IKZF3: variants seen among roughly 807,000 people sequenced by gnomAD.
IKZF3 encodes the protein zinc finger protein Aiolos.
IKZF3 carries 10 observed loss-of-function variants against 49.0 expected under a neutral mutation model. The observed-to-expected ratio is 0.20, with a 90% CI of 0.13 to 0.35. The LOEUF (loss-of-function observed/expected upper bound fraction) is 0.35, where lower values mean the gene tolerates loss of function less well. IKZF3 is among the 10% of genes least tolerant of loss of function. IKZF3 has a pLI of 1.00. For synonymous variants in IKZF3, 209 were observed against 228.2 expected (o/e 0.92, Z 0.76); for missense variants, 498 against 664.8 (o/e 0.75, Z 2.76).
chr17:39,841,003 C>A (rs1252599850), intron 1 of IKZF3, among the ~76,000 whole-genome samples: 2 of 151,966 alleles, frequency 1.3e-5, no homozygotes, highest in African/African-American at 4.8e-5. Flanking sequence ...ATGGCGAAAC[C>A]CCATCTCTAC....
intron 1 of IKZF3, among the ~76,000 whole-genome samples, chr17:39,842,932 A>G (rs553044279): frequency 6.6e-6 from 1 of 152,356 alleles, no homozygotes; most frequent in South Asian, 2.1e-4. Context: ...AGTAGAACAC[A>G]GCATCACTTC....
intron 1 of IKZF3, among the ~76,000 whole-genome samples, chr17:39,861,583 C>A (rs1366804640): frequency 2.6e-5 from 4 of 152,182 alleles, no homozygotes; most frequent in Admixed American, 6.5e-5. Flanking sequence ...TCCATACGCT[C>A]ACAATGGAGG....
intron 3 of IKZF3, among the ~76,000 whole-genome samples, chr17:39,819,409 G>A (rs2061751526): frequency 6.6e-6 from 1 of 152,116 alleles, no homozygotes; most frequent in African/African-American, 2.4e-5. Flanking sequence ...CTCATTCTGA[G>A]TGAGACTCCA....
At chr17:39,785,950 G>T (rs919116818) in intron 6 of IKZF3, among the ~76,000 whole-genome samples, 1 of 152,110 alleles carries the variant, frequency 6.6e-6, no homozygotes, top group Admixed American at 6.5e-5. Flanking sequence ...AAAAGGAGCC[G>T]ACACAAAAGG....
In IKZF3 at chr17:39,773,008, G is replaced by T. The variant is rs996241783; in HGVS notation, c.826+4643C>A. ...TTTTTGTATTTTTAGTAGAGATAGG[G>T]TTTCACCATATTGGCCCGGCTGGTC... On this transcript the variant is annotated intron_variant, in intron 7 of 7. Transcript: ENST00000346872. 6.6e-5 allele frequency among the ~76,000 whole-genome samples: 10 copies of T among 152,084 alleles called. No individual in the cohort carries two copies. The South Asian group carries it at 1.0e-3, about 16-fold the overall frequency.
chr17:39,832,757 A>G (rs995084915), intron 1 of IKZF3, among the ~76,000 whole-genome samples: 7 of 152,126 alleles, frequency 4.6e-5, no homozygotes, highest in Admixed American at 3.9e-4. Context: ...AGATTAGTTA[A>G]TGGGTAAAAC....
intron 1 of IKZF3, among the ~76,000 whole-genome samples, chr17:39,853,639 T>C (rs995912401): frequency 1.3e-5 from 2 of 151,880 alleles, no homozygotes; most frequent in South Asian, 4.2e-4. Flanking sequence ...AGTTCAAGAC[T>C]AGCCTGACCA....
At chr17:39,774,237 T>C (rs1369308384) in intron 7 of IKZF3, among the ~76,000 whole-genome samples, 1 of 152,168 alleles carries the variant, frequency 6.6e-6, no homozygotes, top group Non-Finnish European at 1.5e-5. Flanking sequence ...GCTGTGCAAC[T>C]GTCAGCAAGG....
At chr17:39,770,739 C>T (rs2060416634) in intron 7 of IKZF3, among the ~76,000 whole-genome samples, 1 of 151,186 alleles carries the variant, frequency 6.6e-6, no homozygotes. Context: ...TGAGCCCCTG[C>T]TGTATCCACC....
At chr17:39,770,635 C>T (rs115756279) in intron 7 of IKZF3, among the ~76,000 whole-genome samples, 121 of 152,016 alleles carry the variant, frequency 8.0e-4, no homozygotes, top group African/African-American at 2.8e-3. Flanking sequence ...GAAGACCCAC[C>T]ACCCTAATAT....
At chr17:39,846,007 A>G (rs527470103) in intron 1 of IKZF3, among the ~76,000 whole-genome samples, 1 of 152,312 alleles carries the variant, frequency 6.6e-6, no homozygotes, top group African/African-American at 2.4e-5. Flanking sequence ...TTTGGGTATC[A>G]TTAGATAAAA....
intron 3 of IKZF3, among the ~76,000 whole-genome samples, chr17:39,793,678 G>A (rs1348216224): frequency 6.6e-6 from 1 of 152,214 alleles, no homozygotes; most frequent in Admixed American, 6.5e-5. Context: ...CCCAAGTTAG[G>A]GAGAACTAAA....
chr17:39,824,567 C>G (rs1280195561), intron 3 of IKZF3, among the ~76,000 whole-genome samples: 1 of 152,094 alleles, frequency 6.6e-6, no homozygotes, highest in Admixed American at 6.5e-5. Context: ...GAATTGTAAC[C>G]CCCATTATCC....
At chr17:39,843,638 G>C (rs1439143920) in intron 1 of IKZF3, among the ~76,000 whole-genome samples, 2 of 151,980 alleles carry the variant, frequency 1.3e-5, no homozygotes, top group African/African-American at 2.4e-5. Context: ...TTTGTGTACT[G>C]TAAATAGCAC....
intron 1 of IKZF3, among the ~76,000 whole-genome samples, chr17:39,863,469 G>A (rs993087740): frequency 3.9e-5 from 6 of 152,106 alleles, no homozygotes; most frequent in African/African-American, 1.2e-4. Context: ...AACACTTGTT[G>A]AAAAGACCAT....
At chr17:39,815,414 C>T (rs567637628) in intron 3 of IKZF3, among the ~76,000 whole-genome samples, 2 of 152,306 alleles carry the variant, frequency 1.3e-5, no homozygotes, top group South Asian at 4.1e-4. Context: ...TAGTTAATAT[C>T]CCTCAGTACA....
intron 3 of IKZF3, among the ~76,000 whole-genome samples, chr17:39,807,632 A>G (rs950168553): frequency 1.6e-5 from 2 of 127,158 alleles, no homozygotes; most frequent in African/African-American, 6.0e-5. Context: ...GGATCACTTG[A>G]GCCCAGGAGT....
chr17:39,844,869 G>C (rs186206888), intron 1 of IKZF3, among the ~76,000 whole-genome samples: 26 of 152,160 alleles, frequency 1.7e-4, no homozygotes, highest in East Asian at 1.5e-3. Context: ...TAATCCGCCT[G>C]CCTCAGGCTC....
intron 1 of IKZF3, among the ~76,000 whole-genome samples, chr17:39,863,272 ATCAGT>A (rs1424732210): frequency 1.3e-5 from 2 of 152,190 alleles, no homozygotes; most frequent in Admixed American, 6.5e-5. Context: ...GCTGCCAAAG[ATCAGT>A]TCATTGTTAA....
Sources: gnomAD v4.1 joint callset for allele counts (sites outside exome capture counted in the v4.1 genomes callset) on GRCh38, gnomAD v4.1.1 for gene constraint, MANE v1.5 for transcripts, NCBI Gene and HGNC (gene_info 2026-07-23, HGNC 2026-07-21) for gene names.